NDUFAF6: variants seen among roughly 807,000 people sequenced by gnomAD.
NDUFAF6 encodes NADH:ubiquinone oxidoreductase complex assembly factor 6.
NDUFAF6 carries 45 observed loss-of-function variants against 40.8 expected under a neutral mutation model. The ratio of observed to expected loss-of-function variants is 1.10; its 90% CI spans 0.87 to 1.42. NDUFAF6 has a LOEUF of 1.42. NDUFAF6 is among the 40% of genes most tolerant of loss of function. The pLI is 0.00. For synonymous variants in NDUFAF6, 185 were observed against 155.9 expected, an observed-to-expected ratio of 1.19 and a Z score of -1.39; for missense variants, 435 against 418.5, an observed-to-expected ratio of 1.04 and a Z score of -0.34.
chr8:95,083,257 T>TA (rs879264977), intron 2 of NDUFAF6, among the ~76,000 whole-genome samples: 3 of 35,672 alleles, frequency 8.4e-5, no homozygotes, highest in Non-Finnish European at 1.4e-4. Flanking sequence ...CTTTCTCCAC[T>TA]AAACGGGCTC....
intron 1 of NDUFAF6, among the ~76,000 whole-genome samples, chr8:94,959,693 G>A (rs2011566): frequency 0.46 from 70,250 of 151,416 alleles, 17,191 homozygotes; most frequent in East Asian, 0.72. Context: ...ACCATGCCAG[G>A]CTGTTATTTT....
chr8:94,989,437 G>A (rs955256733), intron 2 of NDUFAF6: 3 of 152,208 alleles, frequency 2.0e-5, no homozygotes, highest in Non-Finnish European at 2.9e-5. Context: ...TGGTGAGAGT[G>A]TTGAGGGGAG....
intron 1 of NDUFAF6, among the ~76,000 whole-genome samples, chr8:94,960,812 A>G (rs1823500475): frequency 6.6e-6 from 1 of 152,112 alleles, no homozygotes; most frequent in Admixed American, 6.5e-5. Context: ...TTCAATTTCT[A>G]TTTTTGTCCC....
intron 2 of NDUFAF6, among the ~76,000 whole-genome samples, chr8:95,081,187 T>A (rs1196050560): frequency 1.7e-5 from 2 of 119,856 alleles, no homozygotes; most frequent in African/African-American, 6.3e-5. Flanking sequence ...TTTTTTGAGG[T>A]GGAGTCTTTC....
intron 1 of NDUFAF6, among the ~76,000 whole-genome samples, chr8:94,972,659 C>T (rs373478882): frequency 2.0e-5 from 3 of 147,570 alleles, no homozygotes; most frequent in African/African-American, 7.6e-5. Flanking sequence ...GGGAGGACAA[C>T]GTGGGAGGAT....
upstream of NDUFAF6, chr8:95,023,377 G>A (rs1438586234): frequency 6.6e-6 from 1 of 152,196 alleles, no homozygotes; most frequent in Non-Finnish European, 1.5e-5. Flanking sequence ...CTTAGGGCCA[G>A]AGGACAAGGT....
chr8:95,068,469 TG>T (rs1423318780), intron 9 of NDUFAF6: 1 of 151,918 alleles, frequency 6.6e-6, no homozygotes, highest in African/African-American at 2.4e-5. Context: ...ATTCACTAAC[TG>T]AGTGAATCCC....
At chr8:95,061,263 C>G (rs374626569), downstream of NDUFAF6, among the ~76,000 whole-genome samples, 29 of 152,248 alleles carry the variant, frequency 1.9e-4, no homozygotes, top group African/African-American at 7.0e-4. Context: ...CAGAGACTTG[C>G]GAGTTTGTAT....
chr8:95,110,867 C>G (rs951593883), intron 4 of NDUFAF6, among the ~76,000 whole-genome samples: 13 of 152,206 alleles, frequency 8.5e-5, no homozygotes, highest in Non-Finnish European at 2.9e-5. Context: ...TCCAAGATTT[C>G]TGTTGCTATG....
chr8:95,110,405 C>T (rs1286901506), intron 4 of NDUFAF6, among the ~76,000 whole-genome samples: 1 of 152,164 alleles, frequency 6.6e-6, no homozygotes, highest in Non-Finnish European at 1.5e-5. Flanking sequence ...CTAGCAAAGC[C>T]ATTTCAAATA....
At chr8:95,049,181 A>G (rs1420175653) in intron 7 of NDUFAF6, among the ~76,000 whole-genome samples, 1 of 152,150 alleles carries the variant, frequency 6.6e-6, no homozygotes, top group Admixed American at 6.5e-5. Flanking sequence ...GCCAAATTTA[A>G]TGGTCATTTA....
At chr8:95,042,678 C>G (rs1369402587) in intron 4 of NDUFAF6, among the ~76,000 whole-genome samples, 1 of 152,138 alleles carries the variant, frequency 6.6e-6, no homozygotes, top group Non-Finnish European at 1.5e-5. Flanking sequence ...CCCAGAATAG[C>G]CAGAATAATC....
intron 1 of NDUFAF6, among the ~76,000 whole-genome samples, chr8:94,914,356 T>G (rs946462623): frequency 3.3e-5 from 5 of 152,174 alleles, no homozygotes; most frequent in African/African-American, 1.2e-4. Context: ...TATGGAGTAG[T>G]TATTGACCAG....
At chr8:95,052,758 TAGTA>T (rs776083682) in intron 8 of NDUFAF6, among the ~76,000 whole-genome samples, 5 of 152,348 alleles carry the variant, frequency 3.3e-5, no homozygotes, top group Non-Finnish European at 5.9e-5. Flanking sequence ...TCTTCTTTTT[TAGTA>T]AGACTTTTGG....
At chr8:95,021,777 T>A (rs1243712436), upstream of NDUFAF6, among the ~76,000 whole-genome samples, 3 of 152,214 alleles carry the variant, frequency 2.0e-5, no homozygotes, top group African/African-American at 7.2e-5. Context: ...CCCTGATATC[T>A]GGGAGCCATC....
chr8:95,115,939 A>G (rs1810123393), intron 5 of NDUFAF6, among the ~76,000 whole-genome samples: 1 of 152,090 alleles, frequency 6.6e-6, no homozygotes, highest in South Asian at 2.1e-4. Flanking sequence ...GCAGTTAGAG[A>G]ACAGCCTGAC....
chr8:94,931,855 C>T (rs1159873796), intron 1 of NDUFAF6, among the ~76,000 whole-genome samples: 1 of 152,004 alleles, frequency 6.6e-6, no homozygotes, highest in African/African-American at 2.4e-5. Context: ...GCCTGTAATC[C>T]CAGCTACTTG....
chr8:94,982,231 CA>C (rs555441147), intron 2 of NDUFAF6, among the ~76,000 whole-genome samples: 1,600 of 142,866 alleles, frequency 0.011, 26 homozygotes, highest in African/African-American at 0.037. Context: ...GACTCCATCT[CA>C]AAAAAAAAAA....
intron 2 of NDUFAF6, among the ~76,000 whole-genome samples, chr8:95,032,976 A>G (rs1587035277): frequency 6.6e-6 from 1 of 152,304 alleles, no homozygotes; most frequent in Middle Eastern, 3.4e-3. Flanking sequence ...TAAGCATGTT[A>G]AATCAGTCAC....
Sources: gnomAD v4.1 joint callset for allele counts (sites outside exome capture counted in the v4.1 genomes callset) on GRCh38, gnomAD v4.1.1 for gene constraint, MANE v1.5 for transcripts, NCBI Gene and HGNC (gene_info 2026-07-23, HGNC 2026-07-21) for gene names.